CLMP: variants seen among roughly 807,000 people sequenced by gnomAD.
CLMP encodes the protein CXADR like cell adhesion molecule.
Under a neutral mutation model 45.2 loss-of-function variants are expected in CLMP, and 27 were observed. The observed-to-expected ratio is 0.60, with a 90% CI of 0.44 to 0.82. The LOEUF is 0.82. CLMP is among the 40% of genes least tolerant of loss of function. The probability of loss-of-function intolerance (pLI) is 0.00; values close to 1 mark genes in which losing one functional copy is unlikely to be tolerated. For synonymous variants in CLMP, 167 were observed against 171.4 expected, an observed-to-expected ratio of 0.97 and a Z score of 0.20; for missense variants, 403 against 448.4, an observed-to-expected ratio of 0.90 and a Z score of 0.91.
chr11:123,150,391 A>G (rs1457527235), intron 1 of CLMP, among the ~76,000 whole-genome samples: 1 of 146,326 alleles, frequency 6.8e-6, no homozygotes, highest in Non-Finnish European at 1.5e-5. Context: ...AGAGCCAAAA[A>G]GATGAACAAA....
At chr11:123,079,611 T>A (rs1479267191) in intron 5 of CLMP, among the ~76,000 whole-genome samples, 1 of 152,038 alleles carries the variant, frequency 6.6e-6, no homozygotes, top group Non-Finnish European at 1.5e-5. Context: ...GCCCAGCTAA[T>A]TTTTTGTGTG....
At chr11:123,150,492 G>GAAAGAAA (rs1491309592) in intron 1 of CLMP, among the ~76,000 whole-genome samples, 2 of 66,722 alleles carry the variant, frequency 3.0e-5, no homozygotes, top group Non-Finnish European at 6.2e-5. Context: ...AGGAAGGAAG[G>GAAAGAAA]AAGGAAGGAA....
At chr11:123,083,382 T>A in intron 4 of CLMP, among the ~76,000 whole-genome samples, 175 bp from the exon 5 acceptor site, 1 of 152,222 alleles carries the variant, frequency 6.6e-6, no homozygotes, top group Non-Finnish European at 1.5e-5. Flanking sequence ...TTTTAAGTTG[T>A]AGCACATCCT....
rs750253672 is a variant in CLMP at position 123,097,848 on chromosome 11, C to T, written c.133G>A (p.Asp45Asn). Reference sequence around the variant, plus strand: ...AGCAGCCATTCAATATCCAGAGTGTCTTTTTCTGGAAGCCCCAGTTGATGG... The same window carrying T: ...AGCAGCCATTCAATATCCAGAGTGTTTTTTTCTGGAAGCCCCAGTTGATGG... The part of the protein sequence containing the change: ...CHHQLGLPEK[D>N]TLDIEWLLTD... The change falls in exon 2 of 7, where the codon GAC (aspartate) becomes AAC (asparagine). Residue 45 changes from aspartate (D) to asparagine (N), a missense_variant. Transcript: ENST00000448775. 3 of 1,610,592 alleles carry T rather than the reference C, an allele frequency of 1.9e-6. No homozygotes were observed. The highest frequency in any genetic ancestry group is 2.7e-5 in the African/African-American group (2 of 74,816).
chr11:123,159,007 G>C (rs1034521552), intron 1 of CLMP, among the ~76,000 whole-genome samples: 1 of 152,174 alleles, frequency 6.6e-6, no homozygotes, highest in Non-Finnish European at 1.5e-5. Context: ...AGGCACTTGG[G>C]AGTCAAATAT....
chr11:123,149,897 C>T (rs936651138), intron 1 of CLMP, among the ~76,000 whole-genome samples: 1 of 151,694 alleles, frequency 6.6e-6, no homozygotes, highest in Non-Finnish European at 1.5e-5. Flanking sequence ...CTGCAACCTC[C>T]GCTCCCGGGT....
At chr11:123,176,687 T>A (rs1036319024) in intron 1 of CLMP, among the ~76,000 whole-genome samples, 2 of 152,200 alleles carry the variant, frequency 1.3e-5, no homozygotes, top group Non-Finnish European at 2.9e-5. Context: ...TGACAATCTG[T>A]CAGGCCAAGC....
chr11:123,186,794 AT>A (rs1352544913), intron 1 of CLMP, among the ~76,000 whole-genome samples: 1 of 152,136 alleles, frequency 6.6e-6, no homozygotes, highest in African/African-American at 2.4e-5. Context: ...AAGTGCTAGG[AT>A]TACAGGCATG....
intron 1 of CLMP, among the ~76,000 whole-genome samples, chr11:123,102,707 C>CTTTTTTTTT (rs34392557): frequency 7.6e-3 from 707 of 93,320 alleles, no homozygotes; most frequent in Non-Finnish European, 9.1e-3. Flanking sequence ...TCCCGAGTAG[C>CTTTTTTTTT]TTTTTTTTTT....
At chr11:123,194,861 G>T in intron 1 of CLMP, 52 bp downstream of exon 1, 1 of 1,609,358 alleles carries the variant, frequency 6.2e-7, no homozygotes. Context: ...CCGGACGCAG[G>T]GCTGCGTTTG....
chr11:123,104,170 C>G (rs1479226975), intron 1 of CLMP, among the ~76,000 whole-genome samples: 1 of 128,776 alleles, frequency 7.8e-6, no homozygotes, highest in Non-Finnish European at 1.6e-5. Context: ...GATTCTCCCT[C>G]TGTAGCCCAG....
intron 1 of CLMP, among the ~76,000 whole-genome samples, chr11:123,157,722 C>CAAAAAAAA (rs869197042): frequency 1.4e-5 from 1 of 71,180 alleles, no homozygotes; most frequent in Non-Finnish European, 2.6e-5. Context: ...GAGTGAAACT[C>CAAAAAAAA]AAAAAAAAAA....
intron 1 of CLMP, among the ~76,000 whole-genome samples, chr11:123,102,723 T>TTC (rs1250813104): frequency 1.1e-4 from 16 of 144,180 alleles, no homozygotes; most frequent in African/African-American, 4.2e-4. Flanking sequence ...TTTTTTTTTT[T>TTC]TTTTTGTATT....
At chr11:123,123,960 G>A (rs1397490921) in intron 1 of CLMP, among the ~76,000 whole-genome samples, 1 of 152,144 alleles carries the variant, frequency 6.6e-6, no homozygotes, top group African/African-American at 2.4e-5. Context: ...ACGAGCTCTG[G>A]ATGATTGGGT....
intron 2 of CLMP, among the ~76,000 whole-genome samples, chr11:123,095,688 C>T (rs1220215341): frequency 6.6e-6 from 1 of 152,112 alleles, no homozygotes; most frequent in Admixed American, 6.6e-5. Flanking sequence ...GGGGAGTTTA[C>T]AACCAAGGAG....
intron 1 of CLMP, among the ~76,000 whole-genome samples, chr11:123,160,693 G>A (rs1169631499): frequency 6.6e-6 from 1 of 151,980 alleles, no homozygotes; most frequent in Non-Finnish European, 1.5e-5. Flanking sequence ...AAGTTGACAA[G>A]GGGGAGGGGT....
chr11:123,130,236 G>A (rs188915050), intron 1 of CLMP, among the ~76,000 whole-genome samples: 49 of 152,238 alleles, frequency 3.2e-4, no homozygotes, highest in African/African-American at 1.2e-3. Context: ...TTACAGGGGA[G>A]TCCAAGGGAT....
At chr11:123,120,426 A>C (rs1181564578) in intron 1 of CLMP, among the ~76,000 whole-genome samples, 1 of 152,084 alleles carries the variant, frequency 6.6e-6, no homozygotes, top group East Asian at 1.9e-4. Context: ...GTTTGTCAAG[A>C]GATCTCTTGG....
At chr11:123,175,102 C>A (rs1861680790) in intron 1 of CLMP, among the ~76,000 whole-genome samples, 1 of 152,092 alleles carries the variant, frequency 6.6e-6, no homozygotes, top group Non-Finnish European at 1.5e-5. Flanking sequence ...TGTGGGCCTG[C>A]ACCACCATGC....
Sources: gnomAD v4.1 joint callset for allele counts (sites outside exome capture counted in the v4.1 genomes callset) on GRCh38, gnomAD v4.1.1 for gene constraint, MANE v1.5 for transcripts, NCBI Gene and HGNC (gene_info 2026-07-23, HGNC 2026-07-21) for gene names.